CUL4A: variants seen among roughly 807,000 people sequenced by gnomAD.
CUL4A encodes the protein cullin 4A.
Under a neutral mutation model 95.5 loss-of-function variants are expected in CUL4A, and 16 were observed. The observed-to-expected ratio is 0.17, with a 90% CI of 0.11 to 0.25. The LOEUF is 0.25. CUL4A is among the 10% of genes least tolerant of loss of function. The probability of loss-of-function intolerance (pLI) is 1.00; values close to 1 mark genes in which losing one functional copy is unlikely to be tolerated. For missense variants in CUL4A, 610 were observed against 937.0 expected (o/e 0.65, Z 4.56); for synonymous variants, 380 against 353.1 (o/e 1.08, Z -0.85).
At chr13:113,251,406 T>G (rs1158729136) in intron 15 of CUL4A, among the ~76,000 whole-genome samples, 2 of 152,206 alleles carry the variant, frequency 1.3e-5, no homozygotes, top group Admixed American at 6.5e-5. Flanking sequence ...TTTCACGCTT[T>G]CTTTGTCCCA....
chr13:113,219,095 T>C (rs1346198444), intron 3 of CUL4A, 47 bp downstream of exon 3: 4 of 1,173,180 alleles, frequency 3.4e-6, no homozygotes, highest in Admixed American at 4.7e-5. Flanking sequence ...ATCTAAGTCT[T>C]TTAAAACTGA....
intron 18 of CUL4A, among the ~76,000 whole-genome samples, chr13:113,259,174 G>C (rs572167528): frequency 4.6e-5 from 7 of 152,174 alleles, no homozygotes; most frequent in East Asian, 1.9e-4. Flanking sequence ...TGATCGTTTT[G>C]TCTGCACCTT....
In CUL4A at chr13:113,233,169, C is replaced by T. The variant is rs374719471; in HGVS notation, c.513-8C>T. 1.2e-6 allele frequency: 2 copies of T among 1,612,314 alleles called. No individual in the cohort carries two copies. Among genetic ancestry groups the T allele is most frequent in the Non-Finnish European group, 1.7e-6 (2 of 1,178,970 alleles). ...AAAATGTAGTCCTGTTTCTTACTGT[C>T]TATACAGGGATATGGGATTAGAACT... On this transcript the variant is annotated splice_region_variant and splice_polypyrimidine_tract_variant and intron_variant, in intron 5 of 19. Transcript: ENST00000375440.
chr13:113,253,496 CAG>C (rs2139277832), intron 16 of CUL4A, among the ~76,000 whole-genome samples: 1 of 152,144 alleles, frequency 6.6e-6, no homozygotes, highest in East Asian at 1.9e-4. Context: ...CTCTGCTAAA[CAG>C]AGGGCTTCAA....
intron 11 of CUL4A, among the ~76,000 whole-genome samples, 186 bp downstream of exon 11, chr13:113,243,346 T>C (rs1454793688): frequency 6.6e-6 from 1 of 152,088 alleles, no homozygotes; most frequent in Non-Finnish European, 1.5e-5. Context: ...CACACCTGCA[T>C]GCATGGGTGG....
chr13:113,241,274 CAGTG>C (rs113313380), intron 10 of CUL4A, among the ~76,000 whole-genome samples: 23 of 152,310 alleles, frequency 1.5e-4, no homozygotes, highest in African/African-American at 5.5e-4. Context: ...TAATAAAAAT[CAGTG>C]AGTGACCATC....
At chr13:113,209,807 G>A (rs1399800301) in intron 1 of CUL4A, 32 bp downstream of exon 1, 8 of 1,165,244 alleles carry the variant, frequency 6.9e-6, no homozygotes, top group Non-Finnish European at 8.5e-6. Context: ...AGGGCCAGGC[G>A]CCCCGGGCGG....
chr13:113,224,216 G>C (rs1167504474), intron 3 of CUL4A, among the ~76,000 whole-genome samples: 2 of 152,130 alleles, frequency 1.3e-5, no homozygotes, highest in Non-Finnish European at 2.9e-5. Flanking sequence ...AGCCGGGCGT[G>C]GTGGCGGGCA....
chr13:113,239,249 C>T (rs1400532733), intron 9 of CUL4A, among the ~76,000 whole-genome samples, 184 bp from the exon 10 acceptor site: 1 of 152,218 alleles, frequency 6.6e-6, no homozygotes, highest in Non-Finnish European at 1.5e-5. Context: ...AAATGAGGTT[C>T]ACCTAATAGG....
At position 113,220,226 on chromosome 13, in the gene CUL4A, G is replaced by A. The variant is rs1380335018; in HGVS notation, c.368+1178G>A. Among the ~76,000 whole-genome samples, 5 of 152,338 alleles carry A rather than the reference G, an allele frequency of 3.3e-5. No individual in the cohort carries two copies. The Middle Eastern group carries it at 0.01, about 311-fold the overall frequency. On this transcript the variant is annotated intron_variant, in intron 3 of 19. Coordinates refer to ENST00000375440, the MANE Select transcript of CUL4A (RefSeq NM_001008895.4). ...AGTTGAAGCACGTGACAGGGAAGCT[G>A]AAATGCAGGGTGAGAGGTCTCTGTT...
intron 3 of CUL4A, among the ~76,000 whole-genome samples, chr13:113,223,049 G>A (rs1051623707): frequency 1.3e-5 from 2 of 152,182 alleles, no homozygotes; most frequent in African/African-American, 4.8e-5. Flanking sequence ...AGAGTCTGAG[G>A]GGATGATGAG....
intron 2 of CUL4A, among the ~76,000 whole-genome samples, chr13:113,213,397 C>G (rs533332072): frequency 6.6e-6 from 1 of 152,090 alleles, no homozygotes; most frequent in African/African-American, 2.4e-5. Context: ...CTCAGTGCTT[C>G]GAAAACTGTT....
At chr13:113,212,653 C>T (rs1567009615) in intron 2 of CUL4A, among the ~76,000 whole-genome samples, 1 of 152,108 alleles carries the variant, frequency 6.6e-6, no homozygotes, top group Non-Finnish European at 1.5e-5. Context: ...GGCGTGGTGG[C>T]AGGCACCTGT....
chr13:113,209,180 G>A (rs2040220179), upstream of CUL4A, among the ~76,000 whole-genome samples: 1 of 149,942 alleles, frequency 6.7e-6, no homozygotes, highest in South Asian at 2.1e-4. Context: ...CCCGGGGTGG[G>A]GGTGCCGAGC....
chr13:113,258,743 G>A (rs1037945666), intron 18 of CUL4A, among the ~76,000 whole-genome samples: 3 of 152,210 alleles, frequency 2.0e-5, no homozygotes, highest in African/African-American at 7.2e-5. Context: ...GAAAATGTTA[G>A]GATAGAGAAG....
At position 113,263,699 on chromosome 13, in the gene CUL4A, G is replaced by A. The variant is rs1595443038; in HGVS notation, c.*117G>A. 2 of 583,860 alleles carry A rather than the reference G, an allele frequency of 3.4e-6. No homozygotes were observed. The highest frequency in any genetic ancestry group is 3.7e-5 in the South Asian group (1 of 27,276). 36.2% of individuals were successfully genotyped at this position (583,860 alleles called of 1,614,324 possible). Reference sequence around the variant, plus strand: ...CCAGCTGTGGACATTGGAAGGCGAAGGAAGGGAGGTGGCTCCTGGGTCATC... The same window carrying A: ...CCAGCTGTGGACATTGGAAGGCGAAAGAAGGGAGGTGGCTCCTGGGTCATC... On this transcript the variant is annotated 3_prime_UTR_variant, in exon 20 of 20. Transcript: ENST00000375440.
rs3794422 is a variant in CUL4A at position 113,239,415 on chromosome 13, G to A, written c.917-18G>A. 380,303 of 1,599,998 alleles carry A rather than the reference G, an allele frequency of 0.24. 49,630 individuals carry two copies. Among genetic ancestry groups the A allele is most frequent in the South Asian group, 0.41 (37,285 of 90,532 alleles). ...GCTGCCCATGCTGTACTCTGCTGAC[G>A]TGTACTGCACATCTCAGGGCTCGAC... On this transcript the variant is annotated intron_variant, in intron 9 of 19. Coordinates refer to ENST00000375440, the MANE Select transcript of CUL4A (RefSeq NM_001008895.4).
chr13:113,262,461 G>A (rs2042306514), intron 19 of CUL4A, among the ~76,000 whole-genome samples: 1 of 152,130 alleles, frequency 6.6e-6, no homozygotes, highest in Non-Finnish European at 1.5e-5. Flanking sequence ...GACCAGCCTG[G>A]GCAACATAGT....
upstream of CUL4A, chr13:113,208,714 C>G: frequency 1.3e-6 from 2 of 1,519,554 alleles, no homozygotes; most frequent in Non-Finnish European, 1.8e-6. Context: ...CTCGGTCCGT[C>G]TGGGTCCTGG....
Sources: allele counts gnomAD v4.1 joint callset (sites outside exome capture counted in the v4.1 genomes callset), GRCh38; gene constraint gnomAD v4.1.1; transcripts MANE v1.5; gene names NCBI Gene and HGNC (gene_info 2026-07-23, HGNC 2026-07-21).